The following SPAM1 variants were observed in gnomAD, a reference collection of about 807,000 sequenced individuals.
SPAM1 encodes the protein sperm adhesion molecule 1.
SPAM1 carries 22 observed loss-of-function variants against 29.6 expected under a neutral mutation model. The ratio of observed to expected loss-of-function variants is 0.74; its 90% CI spans 0.53 to 1.06. The LOEUF is 1.06. Among genes scored for constraint, SPAM1 ranks in the 50% least tolerant of loss-of-function variants. The pLI is 0.00. For missense variants in SPAM1, 534 were observed against 604.0 expected, an observed-to-expected ratio of 0.88 and a Z score of 1.21; for synonymous variants, 194 against 204.6, an observed-to-expected ratio of 0.95 and a Z score of 0.44.
At chr7:123,961,170 G>A (rs1231105678), downstream of SPAM1, among the ~76,000 whole-genome samples, 1 of 151,696 alleles carries the variant, frequency 6.6e-6, no homozygotes, top group Non-Finnish European at 1.5e-5. Context: ...CTTTGTGTTG[G>A]GAACATGTAA....
At chr7:123,951,942 A>C (rs1792105254) in intron 2 of SPAM1, among the ~76,000 whole-genome samples, 1 of 152,076 alleles carries the variant, frequency 6.6e-6, no homozygotes, top group African/African-American at 2.4e-5. Context: ...TTCTTACATA[A>C]AATGAACACG....
At chr7:123,959,417 C>T (rs1330699128) in intron 4 of SPAM1, 67 bp from the exon 5 acceptor site, 2 of 1,180,048 alleles carry the variant, frequency 1.7e-6, no homozygotes, top group African/African-American at 3.1e-5. Flanking sequence ...GCTTAATACA[C>T]TAAATTAATT....
At chr7:123,957,910 T>C (rs574808315) in intron 4 of SPAM1, among the ~76,000 whole-genome samples, 6 of 152,132 alleles carry the variant, frequency 3.9e-5, no homozygotes, top group African/African-American at 1.2e-4. Flanking sequence ...AATCTCTCCT[T>C]CCTTCAGTTT....
In SPAM1 at chr7:123,953,721, T is replaced by G; in HGVS notation, c.151T>G (p.Trp51Gly). ...PPVIPNVPFLWAWNAPSEFCL... is the reference protein window; with the variant it reads ...PPVIPNVPFLGAWNAPSEFCL... ...TGTTATTCCAAATGTGCCTTTCCTC[T>G]GGGCCTGGAATGCCCCAAGTGAATT... The change falls in exon 3 of 5, where the codon TGG becomes GGG. Residue 51 changes from tryptophan (W) to glycine (G), a missense_variant. Transcript: ENST00000682466. 1.2e-6 allele frequency: 2 copies of G among 1,613,440 alleles called. No homozygotes were observed. The highest frequency in any genetic ancestry group is 1.7e-6 in the Non-Finnish European group (2 of 1,179,718).
At chr7:123,942,350 T>C (rs28751075) in intron 1 of SPAM1, among the ~76,000 whole-genome samples, 5,239 of 152,282 alleles carry the variant, frequency 0.034, 302 homozygotes, top group African/African-American at 0.12. Context: ...ACTACAGTTA[T>C]TTACTGCCTC....
chr7:123,937,398 G>C (rs903786437), intron 1 of SPAM1, among the ~76,000 whole-genome samples: 9 of 152,052 alleles, frequency 5.9e-5, no homozygotes, highest in Admixed American at 1.3e-4. Context: ...TCAGGAGATC[G>C]AGACCATCCT....
At position 123,953,923 on chromosome 7, in the gene SPAM1, T is replaced by A; in HGVS notation, c.353T>A (p.Ile118Asn). Reference sequence around the variant, plus strand: ...GTGAATGGAGGAATCCCCCAGAAGATTTCCTTACAAGACCATCTGGACAAA... The same window carrying A: ...GTGAATGGAGGAATCCCCCAGAAGAATTCCTTACAAGACCATCTGGACAAA... ...VTVNGGIPQK[I>N]SLQDHLDKAK... The change falls in exon 3 of 5, where the codon ATT becomes AAT. Residue 118 changes from isoleucine to asparagine, a missense_variant. By Grantham distance (149) the Ile-to-Asn change is moderately radical. Transcript: ENST00000682466. The A allele has an allele frequency of 6.2e-7, 1 of 1,613,686 alleles. No homozygotes were observed. Among genetic ancestry groups the A allele is most frequent in the Non-Finnish European group, 8.5e-7 (1 of 1,179,774 alleles).
chr7:123,940,684 G>A (rs1808402243), intron 1 of SPAM1, among the ~76,000 whole-genome samples: 1 of 151,754 alleles, frequency 6.6e-6, no homozygotes, highest in Non-Finnish European at 1.5e-5. Flanking sequence ...TTTTAAACAT[G>A]GGGGTCTTCC....
chr7:123,927,932 A>G (rs549786562), intron 1 of SPAM1, among the ~76,000 whole-genome samples: 52 of 152,326 alleles, frequency 3.4e-4, no homozygotes, highest in African/African-American at 1.2e-3. Flanking sequence ...GAGGTTAATT[A>G]CTATAAACCA....
intron 5 of SPAM1, among the ~76,000 whole-genome samples, chr7:123,968,433 G>C (rs1211813023): frequency 6.6e-6 from 1 of 151,998 alleles, no homozygotes; most frequent in African/African-American, 2.4e-5. Flanking sequence ...CCAATCTTCA[G>C]TCTGGTCTGG....
In SPAM1 at chr7:123,955,052, T is replaced by C. The variant is rs138354106; in HGVS notation, c.1010T>C (p.Val337Ala). 1.2e-6 allele frequency: 2 copies of C among 1,611,362 alleles called. No individual in the cohort carries two copies. Among genetic ancestry groups the C allele is most frequent in the South Asian group, 1.1e-5 (1 of 91,014 alleles). Residue 337 changes from valine to alanine, a missense_variant, in exon 4 of 5, where the codon GTA (valine) becomes GCA (alanine). Coordinates refer to ENST00000682466, the MANE Select transcript of SPAM1 (RefSeq NM_153189.3). ...GTTGCTCTGGGTGCTTCTGGAATTG[T>C]AATATGGGGAACCCTCAGTATAATG... ...ETVALGASGI[V>A]IWGTLSIMRS...
At chr7:123,936,234 G>A (rs994035134) in intron 1 of SPAM1, among the ~76,000 whole-genome samples, 1 of 152,208 alleles carries the variant, frequency 6.6e-6, no homozygotes, top group African/African-American at 2.4e-5. Flanking sequence ...GGGATGGGAG[G>A]AGACTCTCAA....
intron 2 of SPAM1, among the ~76,000 whole-genome samples, chr7:123,951,679 T>G (rs1264511784): frequency 6.6e-6 from 1 of 152,144 alleles, no homozygotes; most frequent in Non-Finnish European, 1.5e-5. Context: ...TGAAGTACAG[T>G]GGTGCTATCT....
chr7:123,954,530 T>A lies in SPAM1; in HGVS notation c.954+6T>A. On this transcript the variant is annotated splice_donor_region_variant and intron_variant, in intron 3 of 4. Coordinates refer to ENST00000682466, the MANE Select transcript of SPAM1 (RefSeq NM_153189.3). ...TTTTGAAATTCCTTTCTCAAGTAAG[T>A]AAATCAGGGTATGAGGGCTAGGAAA... 1 of 1,552,020 alleles carries A rather than the reference T, an allele frequency of 6.4e-7. No homozygotes were observed. The highest frequency in any genetic ancestry group is 8.8e-7 in the Non-Finnish European group (1 of 1,131,028).
Position 123,955,060 on chromosome 7 carries a change from G to A in SPAM1, c.1018G>A (p.Gly340Arg), listed in dbSNP as rs772820911. The A allele has an allele frequency of 6.2e-6, 10 of 1,610,418 alleles. No homozygotes were observed. In the East Asian group the frequency reaches 2.0e-4, roughly 32 times the overall value. ...ALGASGIVIW[G>R]TLSIMRSMKS... ...GGGTGCTTCTGGAATTGTAATATGG[G>A]GAACCCTCAGTATAATGCGAAGTAT... The change falls in exon 4 of 5, where the codon GGA becomes AGA. Residue 340 changes from glycine to arginine, a missense_variant. By Grantham distance (125) the Gly-to-Arg change is moderately radical (BLOSUM62 -2). Transcript: ENST00000682466.
chr7:123,961,313 C>T (rs2117074405), downstream of SPAM1, among the ~76,000 whole-genome samples: 1 of 152,014 alleles, frequency 6.6e-6, no homozygotes, highest in East Asian at 1.9e-4. Context: ...TCTCCCTATC[C>T]TTCTCTCCTC....
At chr7:123,944,423 T>C (rs1272296170) in intron 1 of SPAM1, among the ~76,000 whole-genome samples, 1 of 152,170 alleles carries the variant, frequency 6.6e-6, no homozygotes, top group Non-Finnish European at 1.5e-5. Flanking sequence ...TCTCAGTTTT[T>C]TTCCTAAGCA....
At chr7:123,956,891 CT>C (rs1792258906) in intron 4 of SPAM1, among the ~76,000 whole-genome samples, 1 of 151,922 alleles carries the variant, frequency 6.6e-6, no homozygotes, top group African/African-American at 2.4e-5. Context: ...AGTATTTACA[CT>C]ATGGATATAT....
Position 123,953,496 on chromosome 7 carries a change from T to A in SPAM1, c.-75T>A. The A allele has an allele frequency of 1.2e-6, 1 of 808,004 alleles. No homozygotes were observed. The highest frequency in any genetic ancestry group is 2.8e-5 in the Admixed American group (1 of 35,704). 50.1% of individuals were successfully genotyped at this position (808,004 alleles called of 1,614,324 possible). On this transcript the variant is annotated 5_prime_UTR_variant, in exon 3 of 5. Coordinates refer to ENST00000682466, the MANE Select transcript of SPAM1 (RefSeq NM_153189.3). ...TTCCATTCCCTTTCATCTGTGCTCA[T>A]ACTTTGCATCAGATATTGGGTAAAC...
Sources: gnomAD v4.1 joint callset for allele counts (sites outside exome capture counted in the v4.1 genomes callset) on GRCh38, gnomAD v4.1.1 for gene constraint, MANE v1.5 for transcripts, NCBI Gene and HGNC (gene_info 2026-07-23, HGNC 2026-07-21) for gene names.